The following BCL2L14 variants were observed in gnomAD, a reference collection of about 807,000 sequenced individuals.
BCL2L14 encodes the protein BCL2 like 14, also known as apoptosis facilitator Bcl-2-like protein 14.
A neutral mutation model predicts 35.3 loss-of-function variants in BCL2L14; 27 were observed. The ratio of observed to expected loss-of-function variants is 0.76; its 90% confidence interval spans 0.56 to 1.05. The LOEUF is 1.05. Among genes scored for constraint, BCL2L14 ranks in the 50% least tolerant of loss-of-function variants. The pLI is 0.00. For synonymous variants in BCL2L14, 139 were observed against 145.9 expected (o/e 0.95, Z 0.34); for missense variants, 377 against 382.6 (o/e 0.99, Z 0.12).
intron 1 of BCL2L14, among the ~76,000 whole-genome samples, chr12:12,074,792 T>A (rs913729018): frequency 6.6e-6 from 1 of 152,300 alleles, no homozygotes; most frequent in Non-Finnish European, 1.5e-5. Context: ...ATTATCTTTT[T>A]AAAAAATGTT....
At chr12:12,054,142 A>ATAT (rs1271383131) in intron 2 of BCL2L14, among the ~76,000 whole-genome samples, 1 of 152,200 alleles carries the variant, frequency 6.6e-6, no homozygotes, top group Non-Finnish European at 1.5e-5. Context: ...ACAAAGTTAA[A>ATAT]TATTATTATT....
intron 5 of BCL2L14, among the ~76,000 whole-genome samples, chr12:12,097,490 G>A (rs1949341516): frequency 6.6e-6 from 1 of 152,228 alleles, no homozygotes; most frequent in Non-Finnish European, 1.5e-5. Flanking sequence ...ATAGGCAAAT[G>A]TATAGATACA....
chr12:12,083,201 T>A (rs1419901025), intron 2 of BCL2L14, among the ~76,000 whole-genome samples: 1 of 152,142 alleles, frequency 6.6e-6, no homozygotes, highest in Non-Finnish European at 1.5e-5. Context: ...CCTGGCCTCG[T>A]GATCTGTCCG....
At chr12:12,073,375 G>A (rs1242492036) in intron 1 of BCL2L14, among the ~76,000 whole-genome samples, 3 of 151,882 alleles carry the variant, frequency 2.0e-5, no homozygotes, top group African/African-American at 7.3e-5. Flanking sequence ...CTGTCGACTG[G>A]GCCAAGTCAC....
chr12:12,088,878 T>C (rs1949106226), intron 3 of BCL2L14, among the ~76,000 whole-genome samples: 1 of 144,270 alleles, frequency 6.9e-6, no homozygotes, highest in East Asian at 1.9e-4. Context: ...GGCCTCTGAG[T>C]CTGCTAAAAA....
At chr12:12,068,927 G>A (rs966020117), upstream of BCL2L14, among the ~76,000 whole-genome samples, 3 of 152,142 alleles carry the variant, frequency 2.0e-5, no homozygotes, top group African/African-American at 4.8e-5. Context: ...TGAATTATTC[G>A]TGAGTTTTCT....
chr12:12,095,564 C>G, intron 5 of BCL2L14: 1 of 985,414 alleles, frequency 1.0e-6, no homozygotes, highest in Non-Finnish European at 1.2e-6. Context: ...GTTCAAACAG[C>G]TACATAAGGT....
At chr12:12,068,867 CTGT>C (rs994070430), upstream of BCL2L14, among the ~76,000 whole-genome samples, 2 of 152,076 alleles carry the variant, frequency 1.3e-5, no homozygotes, top group African/African-American at 2.4e-5. Context: ...GTGGCATGGG[CTGT>C]TTGATTGAGT....
At chr12:12,059,107 C>T (rs1048754766) in intron 2 of BCL2L14, among the ~76,000 whole-genome samples, 2 of 152,230 alleles carry the variant, frequency 1.3e-5, no homozygotes, top group Admixed American at 6.5e-5. Context: ...GTGCCGGTCA[C>T]GGACTGGGAA....
intron 2 of BCL2L14, among the ~76,000 whole-genome samples, chr12:12,065,686 C>A (rs549696059): frequency 6.6e-6 from 1 of 152,090 alleles, no homozygotes; most frequent in South Asian, 2.1e-4. Context: ...GTTCCTCCAG[C>A]GCCATCTCTG....
At chr12:12,052,539 A>AAAT (rs1216873249) in intron 2 of BCL2L14, among the ~76,000 whole-genome samples, 4 of 152,228 alleles carry the variant, frequency 2.6e-5, no homozygotes, top group African/African-American at 9.6e-5. Flanking sequence ...ATGTTGTCCC[A>AAAT]AATCACAGGA....
chr12:12,089,203 C>G (rs1271497568), intron 3 of BCL2L14, among the ~76,000 whole-genome samples: 1 of 151,914 alleles, frequency 6.6e-6, no homozygotes, highest in Non-Finnish European at 1.5e-5. Context: ...CCCTTCTCTA[C>G]TAAAAATACA....
intron 3 of BCL2L14, among the ~76,000 whole-genome samples, chr12:12,087,926 T>C (rs369879889): frequency 6.6e-6 from 1 of 152,210 alleles, no homozygotes; most frequent in African/African-American, 2.4e-5. Flanking sequence ...AGGCTGGTGG[T>C]AACTCAAGGC....
chr12:12,068,100 C>A, upstream of BCL2L14: 1 of 397,832 alleles, frequency 2.5e-6, no homozygotes, highest in Non-Finnish European at 4.4e-6. Context: ...TGCTCCACCA[C>A]GCCCAGCTAA....
chr12:12,080,896 C>T (rs191552820), intron 2 of BCL2L14, among the ~76,000 whole-genome samples: 120 of 152,202 alleles, frequency 7.9e-4, no homozygotes, highest in African/African-American at 2.5e-3. Context: ...CTTAATGAAA[C>T]ATTTTCACCA....
upstream of BCL2L14, among the ~76,000 whole-genome samples, chr12:12,068,614 AG>A (rs1478711621): frequency 1.3e-4 from 20 of 151,938 alleles, no homozygotes; most frequent in Non-Finnish European, 2.6e-4. Flanking sequence ...CTCCCACCTC[AG>A]CCCCCTGAGT....
chr12:12,095,428 C>A, intron 5 of BCL2L14: 1 of 985,314 alleles, frequency 1.0e-6, no homozygotes, highest in Non-Finnish European at 1.2e-6. Context: ...AAATAAAAAG[C>A]CAACAGTTAA....
intron 1 of BCL2L14, among the ~76,000 whole-genome samples, chr12:12,051,095 G>C (rs928854888): frequency 6.6e-6 from 1 of 152,206 alleles, no homozygotes; most frequent in South Asian, 2.1e-4. Context: ...GTAAAGTTCA[G>C]CGTGAAATTG....
chr12:12,098,054 G>GA (rs34649889), intron 5 of BCL2L14, among the ~76,000 whole-genome samples: 39,174 of 151,904 alleles, frequency 0.26, 5,213 homozygotes, highest in East Asian at 0.37. Context: ...CCAAAGGGTA[G>GA]AAAAAAATAA....
Sources: gnomAD v4.1 joint callset for allele counts (sites outside exome capture counted in the v4.1 genomes callset) on GRCh38, gnomAD v4.1.1 for gene constraint, MANE v1.5 for transcripts, NCBI Gene and HGNC (gene_info 2026-07-23, HGNC 2026-07-21) for gene names.